The following CNTN5 variants were observed in gnomAD, a reference collection of about 807,000 sequenced individuals.
The protein encoded by CNTN5 is contactin-5.
In CNTN5, 77 loss-of-function variants were observed where a neutral mutation model predicts 129.1. That is an observed-to-expected ratio of 0.60 (90% CI 0.50 to 0.72). The LOEUF (loss-of-function observed/expected upper bound fraction) is 0.72. CNTN5 is among the 30% of genes least tolerant of loss of function. CNTN5 has a pLI of 0.00. For synonymous variants in CNTN5, 509 were observed against 465.6 expected (o/e 1.09, Z -1.20); for missense variants, 1,478 against 1,328.8 (o/e 1.11, Z -1.75).
intron 3 of CNTN5, among the ~76,000 whole-genome samples, chr11:99,663,280 C>A (rs1952662777): frequency 6.6e-6 from 1 of 152,040 alleles, no homozygotes; most frequent in Admixed American, 6.6e-5. Flanking sequence ...CCAGCCTGGC[C>A]AACATGGTGA....
chr11:100,125,390 G>C (rs548751483), intron 13 of CNTN5, among the ~76,000 whole-genome samples: 1 of 152,124 alleles, frequency 6.6e-6, no homozygotes, highest in South Asian at 2.1e-4. Flanking sequence ...TCATCGTTCA[G>C]TTGCCACTTA....
At position 99,430,930 on chromosome 11, in the gene CNTN5, G is replaced by T. The variant is rs112242577; in HGVS notation, c.-71+105446G>T. Reference sequence around the variant, plus strand: ...ACTGGAGGTAGCTTGGTTAGTAAAAGGTGGCCTTGCTGTAGATGAAACCCA... The same window carrying T: ...ACTGGAGGTAGCTTGGTTAGTAAAATGTGGCCTTGCTGTAGATGAAACCCA... On this transcript the variant is annotated intron_variant, in intron 2 of 24. Coordinates refer to ENST00000524871, the MANE Select transcript of CNTN5 (RefSeq NM_014361.4). Among the ~76,000 whole-genome samples the T allele has an allele frequency of 2.7e-3, 402 of 151,552 alleles. 3 individuals carry two copies. Among genetic ancestry groups the T allele is most frequent in the African/African-American group, 9.3e-3 (385 of 41,352 alleles).
chr11:99,625,261 A>C (rs569632804), intron 3 of CNTN5, among the ~76,000 whole-genome samples: 1 of 152,268 alleles, frequency 6.6e-6, no homozygotes, highest in Non-Finnish European at 1.5e-5. Flanking sequence ...ACTTTGTGGA[A>C]GAATGCAGGT....
intron 9 of CNTN5, among the ~76,000 whole-genome samples, chr11:100,048,311 C>G (rs1421318659): frequency 6.7e-6 from 1 of 148,184 alleles, no homozygotes; most frequent in Non-Finnish European, 1.5e-5. Flanking sequence ...TCAGATCCCC[C>G]AGGTTCTTCT....
intron 8 of CNTN5, among the ~76,000 whole-genome samples, chr11:99,961,901 A>G (rs971197154): frequency 3.9e-5 from 6 of 152,124 alleles, no homozygotes; most frequent in Admixed American, 3.9e-4. Flanking sequence ...TAGAGAACCA[A>G]TTCTTCAGAC....
intron 2 of CNTN5, among the ~76,000 whole-genome samples, chr11:99,415,444 G>A (rs1591647473): frequency 6.6e-6 from 1 of 152,226 alleles, no homozygotes; most frequent in South Asian, 2.1e-4. Flanking sequence ...TATGGGGCAG[G>A]GCCTCTCTGG....
chr11:99,965,259 C>T (rs4550193), intron 8 of CNTN5, among the ~76,000 whole-genome samples: 151,103 of 152,266 alleles, frequency 0.99, 74,984 homozygotes, highest in Middle Eastern at 1. Flanking sequence ...TGTTAGGGTG[C>T]CAATTTTAGA....
intron 24 of CNTN5, 69 bp downstream of exon 24, chr11:100,350,939 A>T (rs1952397807): frequency 1.0e-5 from 12 of 1,179,382 alleles, no homozygotes; most frequent in Non-Finnish European, 1.4e-5. Flanking sequence ...AAAGTCACGA[A>T]AATTGATGTG....
At chr11:99,152,296 C>T (rs1014259977) in intron 1 of CNTN5, among the ~76,000 whole-genome samples, 1 of 152,164 alleles carries the variant, frequency 6.6e-6, no homozygotes, top group Non-Finnish European at 1.5e-5. Context: ...ATTCATGAGA[C>T]ATTTTCAATA....
chr11:99,454,471 G>A (rs2656186), intron 2 of CNTN5, among the ~76,000 whole-genome samples: 81,535 of 151,808 alleles, frequency 0.54, 22,199 homozygotes, highest in East Asian at 0.63. Context: ...TTCCTCCTTC[G>A]CTCGGCACTT....
rs527583049 is a variant in CNTN5 at position 99,073,369 on chromosome 11, G to A, written c.-210+52099G>A. On this transcript the variant is annotated intron_variant, in intron 1 of 24. Transcript: ENST00000524871. Reference sequence around the variant, plus strand: ...TATTTGACTGGTATGTCTCTTTATGGTTTGGTTTTTTTTTTTTTTTTTTTT... The same window carrying A: ...TATTTGACTGGTATGTCTCTTTATGATTTGGTTTTTTTTTTTTTTTTTTTT... Among the ~76,000 whole-genome samples, 4 of 119,594 alleles carry A rather than the reference G, an allele frequency of 3.3e-5. No individual in the cohort carries two copies. In the South Asian group the frequency reaches 1.2e-3, roughly 36 times the overall value. 78.5% of individuals were successfully genotyped at this position (119,594 alleles called of 152,430 possible).
At chr11:99,968,107 T>G (rs1951144678) in intron 8 of CNTN5, among the ~76,000 whole-genome samples, 1 of 151,890 alleles carries the variant, frequency 6.6e-6, no homozygotes, top group Non-Finnish European at 1.5e-5. Flanking sequence ...CACCTTTCTT[T>G]CAGTCCATGT....
intron 3 of CNTN5, among the ~76,000 whole-genome samples, chr11:99,642,676 G>A (rs1214297762): frequency 6.6e-6 from 1 of 152,214 alleles, no homozygotes; most frequent in East Asian, 1.9e-4. Flanking sequence ...TCACGCTACT[G>A]TACAGAACAC....
At chr11:100,201,662 G>A (rs576644479) in intron 15 of CNTN5, among the ~76,000 whole-genome samples, 53 of 151,722 alleles carry the variant, frequency 3.5e-4, no homozygotes, top group Admixed American at 5.9e-4. Flanking sequence ...CATATTACTC[G>A]TGAGCCTATT....
At chr11:99,671,683 G>C (rs1953051409) in intron 3 of CNTN5, among the ~76,000 whole-genome samples, 1 of 152,080 alleles carries the variant, frequency 6.6e-6, no homozygotes, top group Non-Finnish European at 1.5e-5. Context: ...GTATTACTTA[G>C]CTTTTGTTCT....
chr11:99,945,229 G>C (rs1223969083), intron 7 of CNTN5, among the ~76,000 whole-genome samples: 6 of 152,014 alleles, frequency 3.9e-5, no homozygotes, highest in Admixed American at 3.9e-4. Context: ...ACTGCAATTT[G>C]ATATGAGATT....
chr11:99,946,355 G>A lies in CNTN5; in HGVS notation c.674-10451G>A, dbSNP rs573392014. 5.9e-5 allele frequency among the ~76,000 whole-genome samples: 9 copies of A among 152,194 alleles called. No individual in the cohort carries two copies. In the East Asian group the frequency reaches 1.7e-3, roughly 29 times the overall value. ...GAATTATTAATTAACCTACAAACTA[G>A]GAACAGAGGCTTAGTGGGAAAAATA... is the stretch of plus-strand genomic sequence containing the variant. On this transcript the variant is annotated intron_variant, in intron 7 of 24. Coordinates refer to ENST00000524871, the MANE Select transcript of CNTN5 (RefSeq NM_014361.4).
At chr11:99,052,757 T>C (rs968132910) in intron 1 of CNTN5, among the ~76,000 whole-genome samples, 1 of 151,888 alleles carries the variant, frequency 6.6e-6, no homozygotes, top group Non-Finnish European at 1.5e-5. Context: ...GTGGAAAGTA[T>C]TGATACATGT....
At chr11:99,531,842 C>A (rs1480071381) in intron 2 of CNTN5, among the ~76,000 whole-genome samples, 1 of 152,220 alleles carries the variant, frequency 6.6e-6, no homozygotes, top group Non-Finnish European at 1.5e-5. Flanking sequence ...TGTACAGAAA[C>A]ACCTGGCCGC....
Sources: gnomAD v4.1 joint callset for allele counts (sites outside exome capture counted in the v4.1 genomes callset) on GRCh38, gnomAD v4.1.1 for gene constraint, MANE v1.5 for transcripts, NCBI Gene and HGNC (gene_info 2026-07-23, HGNC 2026-07-21) for gene names.